SORCS3: variants seen among roughly 807,000 people sequenced by gnomAD.
The protein encoded by SORCS3 is VPS10 domain-containing receptor SorCS3.
In SORCS3, 57 loss-of-function variants were observed where a neutral mutation model predicts 146.3. The ratio of observed to expected loss-of-function variants is 0.39; its 90% CI spans 0.31 to 0.49. The LOEUF (loss-of-function observed/expected upper bound fraction) is 0.49, where lower values mean the gene tolerates loss of function less well. Ranked by LOEUF, SORCS3 falls within the 20% of genes least tolerant of loss-of-function variation. SORCS3 has a pLI of 0.92. For missense variants in SORCS3, 1,341 were observed against 1,575.5 expected, an observed-to-expected ratio of 0.85 and a Z score of 2.52; for synonymous variants, 653 against 618.5, an observed-to-expected ratio of 1.06 and a Z score of -0.83.
chr10:104,749,016 C>G (rs1027580655), intron 1 of SORCS3, among the ~76,000 whole-genome samples: 1 of 152,174 alleles, frequency 6.6e-6, no homozygotes, highest in Non-Finnish European at 1.5e-5. Context: ...AGTCCTGAAG[C>G]AGGAGCATGG....
intron 1 of SORCS3, among the ~76,000 whole-genome samples, chr10:104,682,584 A>T (rs1226625157): frequency 6.6e-6 from 1 of 152,202 alleles, no homozygotes; most frequent in Non-Finnish European, 1.5e-5. Context: ...AACTTGGGTC[A>T]AGTCCTTAAG....
intron 16 of SORCS3, among the ~76,000 whole-genome samples, chr10:105,201,727 C>T (rs1021910222): frequency 3.9e-5 from 6 of 152,136 alleles, no homozygotes; most frequent in Admixed American, 3.9e-4. Flanking sequence ...CACCTATAGA[C>T]AATTACTCCC....
intron 7 of SORCS3, among the ~76,000 whole-genome samples, chr10:105,138,546 C>A (rs540258931): frequency 2.6e-5 from 4 of 152,332 alleles, no homozygotes; most frequent in South Asian, 4.1e-4. Flanking sequence ...TCTGAACAAG[C>A]CATGTTATCT....
chr10:104,792,234 A>C (rs573288028), intron 1 of SORCS3, among the ~76,000 whole-genome samples: 1 of 152,244 alleles, frequency 6.6e-6, no homozygotes, highest in East Asian at 1.9e-4. Context: ...CAGTTATCTG[A>C]CAAACTCCTA....
chr10:105,191,198 A>G (rs951255031), intron 14 of SORCS3, among the ~76,000 whole-genome samples: 9 of 152,240 alleles, frequency 5.9e-5, no homozygotes, highest in Admixed American at 2.0e-4. Flanking sequence ...ACTTATGTAC[A>G]TATGCTATGA....
Position 105,167,268 on chromosome 10 carries a change from A to C in SORCS3, c.1820A>C (p.Glu607Ala), listed in dbSNP as rs1161570327. The change falls in exon 13 of 27, where the codon GAA becomes GCA. Residue 607 changes from glutamate (E) to alanine (A), a missense_variant. By Grantham distance (107) the Glu-to-Ala change is moderately radical. Transcript: ENST00000369701. ...GGNTWRQIFD[E>A]EYNVWFLDWG... ...TTGTTGTTGTTCCAGATCTTTGATG[A>C]AGAGTACAATGTCTGGTTCCTAGAC... 6.2e-7 allele frequency: 1 copy of C among 1,612,484 alleles called. No homozygotes were observed. The highest frequency in any genetic ancestry group is 1.7e-5 in the Admixed American group (1 of 59,936).
At chr10:105,162,908 A>G (rs2056277972) in intron 11 of SORCS3, among the ~76,000 whole-genome samples, 1 of 152,158 alleles carries the variant, frequency 6.6e-6, no homozygotes, top group African/African-American at 2.4e-5. Context: ...GTCAAAACCA[A>G]AGAATCCTTC....
At chr10:105,136,065 G>C (rs939640000) in intron 7 of SORCS3, among the ~76,000 whole-genome samples, 1 of 152,052 alleles carries the variant, frequency 6.6e-6, no homozygotes, top group Non-Finnish European at 1.5e-5. Context: ...CAAAACCACT[G>C]TCATATTTTT....
intron 1 of SORCS3, among the ~76,000 whole-genome samples, chr10:104,800,704 G>T (rs2017614790): frequency 6.6e-6 from 1 of 152,138 alleles, no homozygotes; most frequent in South Asian, 2.1e-4. Context: ...CCATAGTTTA[G>T]CCCTAGTCCT....
intron 25 of SORCS3, among the ~76,000 whole-genome samples, chr10:105,259,472 C>A (rs2056948586): frequency 6.6e-6 from 1 of 152,184 alleles, no homozygotes. Context: ...CAAGTGGTCA[C>A]TTGACATAGA....
chr10:105,085,360 C>T (rs1214976705), intron 5 of SORCS3, among the ~76,000 whole-genome samples: 2 of 152,196 alleles, frequency 1.3e-5, no homozygotes, highest in African/African-American at 2.4e-5. Flanking sequence ...TCTTCCTACC[C>T]TCAGCAGCCA....
At chr10:105,219,894 A>G (rs2056689327) in intron 19 of SORCS3, among the ~76,000 whole-genome samples, 1 of 152,176 alleles carries the variant, frequency 6.6e-6, no homozygotes, top group South Asian at 2.1e-4. Context: ...ACTGTGGCTT[A>G]TGTGCATGAG....
At chr10:105,104,503 C>T (rs569372936) in intron 6 of SORCS3, among the ~76,000 whole-genome samples, 4 of 152,094 alleles carry the variant, frequency 2.6e-5, no homozygotes, top group East Asian at 1.9e-4. Flanking sequence ...TTGCTTGAGG[C>T]GAGGGAGGAG....
At chr10:105,053,342 C>T (rs973351515) in intron 5 of SORCS3, among the ~76,000 whole-genome samples, 5 of 151,892 alleles carry the variant, frequency 3.3e-5, no homozygotes, top group Admixed American at 2.6e-4. Flanking sequence ...CAAGAGGTGT[C>T]CTGGAGCAGA....
At chr10:105,233,113 TAA>T in intron 20 of SORCS3, among the ~76,000 whole-genome samples, 1 of 146,038 alleles carries the variant, frequency 6.8e-6, no homozygotes, top group African/African-American at 2.5e-5. Flanking sequence ...ACTCATACTT[TAA>T]AAAAAAAAAA....
At chr10:104,772,506 G>A (rs1474920214) in intron 1 of SORCS3, among the ~76,000 whole-genome samples, 1 of 152,202 alleles carries the variant, frequency 6.6e-6, no homozygotes, top group African/African-American at 2.4e-5. Flanking sequence ...AATGTCTGCT[G>A]GGTACTTTGG....
intron 4 of SORCS3, among the ~76,000 whole-genome samples, chr10:105,007,727 A>G (rs1358330216): frequency 6.6e-6 from 1 of 152,030 alleles, no homozygotes; most frequent in South Asian, 2.1e-4. Flanking sequence ...TGAAATAGGT[A>G]GTCATTGGTT....
At chr10:105,120,063 C>T (rs2055920817) in intron 7 of SORCS3, among the ~76,000 whole-genome samples, 1 of 152,162 alleles carries the variant, frequency 6.6e-6, no homozygotes, top group African/African-American at 2.4e-5. Context: ...CCATAATCCG[C>T]ATGTGTTATG....
At chr10:105,072,182 G>C (rs576528212) in intron 5 of SORCS3, among the ~76,000 whole-genome samples, 1 of 152,076 alleles carries the variant, frequency 6.6e-6, no homozygotes, top group Non-Finnish European at 1.5e-5. Flanking sequence ...GTGAGCTCTC[G>C]GACTTTATAT....
Sources: gnomAD v4.1 joint callset for allele counts (sites outside exome capture counted in the v4.1 genomes callset) on GRCh38, gnomAD v4.1.1 for gene constraint, MANE v1.5 for transcripts, NCBI Gene and HGNC (gene_info 2026-07-23, HGNC 2026-07-21) for gene names.